The following CCDC191 variants were observed in gnomAD, a reference collection of about 807,000 sequenced individuals.
CCDC191 encodes the protein coiled-coil domain containing 191, also known as coiled-coil domain-containing protein 191.
CCDC191 carries 99 observed loss-of-function variants against 114.0 expected under a neutral mutation model. The ratio of observed to expected loss-of-function variants is 0.87; its 90% CI spans 0.74 to 1.03. CCDC191 has a LOEUF of 1.03. CCDC191 is among the 50% of genes least tolerant of loss of function. The pLI is 0.00. For missense variants in CCDC191, 973 were observed against 1,087.0 expected (o/e 0.90, Z 1.47); for synonymous variants, 351 against 376.0 (o/e 0.93, Z 0.77).
intron 10 of CCDC191, 49 bp downstream of exon 10, chr3:114,005,459 G>T: frequency 6.6e-7 from 1 of 1,525,518 alleles, no homozygotes; most frequent in Non-Finnish European, 8.8e-7. Flanking sequence ...AGCCCAAAGT[G>T]AAAAACCCCT....
intron 13 of CCDC191, among the ~76,000 whole-genome samples, chr3:113,997,174 T>C (rs1013712603): frequency 1.3e-5 from 2 of 152,078 alleles, no homozygotes; most frequent in African/African-American, 4.8e-5. Context: ...AGTAAACAGA[T>C]GAATTGTGGG....
At chr3:113,981,694 A>T (rs1047895695) in intron 13 of CCDC191, among the ~76,000 whole-genome samples, 3 of 152,236 alleles carry the variant, frequency 2.0e-5, no homozygotes, top group African/African-American at 7.2e-5. Context: ...CTGGCAAGCT[A>T]CTTAATGTGC....
At chr3:113,984,177 G>GAA (rs1405309977) in intron 13 of CCDC191, 3 of 152,000 alleles carry the variant, frequency 2.0e-5, no homozygotes, top group Admixed American at 1.3e-4. Flanking sequence ...TCTCTCCAAA[G>GAA]AAATATATAT....
intron 2 of CCDC191, among the ~76,000 whole-genome samples, chr3:114,050,674 GAGT>G (rs2076688103): frequency 6.6e-6 from 1 of 152,296 alleles, no homozygotes; most frequent in South Asian, 2.1e-4. Context: ...GGCTTGACGG[GAGT>G]CATGGAGGAT....
chr3:114,005,547 G>A lies in CCDC191; in HGVS notation c.1829C>T (p.Pro610Leu), dbSNP rs1009088453. Reference protein sequence around the residue: ...TEAQSHLLSKPREEEPRTCQM... With the variant: ...TEAQSHLLSKLREEEPRTCQM... ...GCAGGTTCTTGGTTCCTCTTCTCTG[G>A]GCTTTGACAGCAGGTGGCTCTGTGC... The change falls in exon 10 of 17, where the codon CCC becomes CTC. Residue 610 changes from proline (P) to leucine (L), a missense_variant. Physicochemically the swap from Pro to Leu is moderately conservative, Grantham distance 98 (BLOSUM62 -3). Transcript: ENST00000295878. The A allele has an allele frequency of 6.2e-6, 10 of 1,613,388 alleles. No homozygotes were observed. The African/African-American group carries it at 1.2e-4, about 19-fold the overall frequency.
At chr3:114,043,647 T>C (rs1334960767) in intron 3 of CCDC191, among the ~76,000 whole-genome samples, 2 of 152,188 alleles carry the variant, frequency 1.3e-5, no homozygotes, top group East Asian at 3.8e-4. Flanking sequence ...ACAGGAGAGA[T>C]GTGAGCACAG....
chr3:113,987,772 A>G (rs2075412910), intron 13 of CCDC191, among the ~76,000 whole-genome samples: 1 of 152,208 alleles, frequency 6.6e-6, no homozygotes, highest in Admixed American at 6.5e-5. Flanking sequence ...GACCAGGTGC[A>G]GTGGCTCACG....
At chr3:113,971,600 T>G (rs1577310898) in intron 16 of CCDC191, among the ~76,000 whole-genome samples, 1 of 152,220 alleles carries the variant, frequency 6.6e-6, no homozygotes, top group East Asian at 1.9e-4. Flanking sequence ...TTGAAGATTT[T>G]GCATTTGTGT....
At chr3:113,999,189 A>C (rs138043459) in intron 13 of CCDC191, among the ~76,000 whole-genome samples, 66 of 152,306 alleles carry the variant, frequency 4.3e-4, no homozygotes, top group African/African-American at 8.7e-4. Flanking sequence ...TACCCCTAGT[A>C]ATACCACTAG....
intron 7 of CCDC191, among the ~76,000 whole-genome samples, chr3:114,021,740 T>C (rs1178371463): frequency 6.6e-6 from 1 of 152,120 alleles, no homozygotes; most frequent in Non-Finnish European, 1.5e-5. Context: ...TTTCTATACT[T>C]TGGAACTACA....
chr3:114,026,513 C>T lies in CCDC191; in HGVS notation c.972+5113G>A, dbSNP rs891638749. 9.2e-5 allele frequency among the ~76,000 whole-genome samples: 14 copies of T among 152,216 alleles called. No individual in the cohort carries two copies. In the East Asian group the frequency reaches 2.3e-3, roughly 25 times the overall value. ...TTCTAAAGAGGCTTTTCCTTTATTTCCCTCCCCTAACATAAGAAAACATTG... is the reference window on the plus strand; with the variant it reads ...TTCTAAAGAGGCTTTTCCTTTATTTTCCTCCCCTAACATAAGAAAACATTG... On this transcript the variant is annotated intron_variant, in intron 7 of 16. Transcript: ENST00000295878.
At position 113,993,159 on chromosome 3, in the gene CCDC191, G is replaced by A. The variant is rs377479854; in HGVS notation, c.2163+8436C>T. Among the ~76,000 whole-genome samples the A allele has an allele frequency of 1.5e-4, 23 of 152,264 alleles. No individual in the cohort carries two copies. The East Asian group carries it at 2.7e-3, about 18-fold the overall frequency. ...GCTGGGTCACCCCTGTGACCCAGGT[G>A]TGGTGGCTCACGCCTGTAATCCAGC... On this transcript the variant is annotated intron_variant, in intron 13 of 16. Transcript: ENST00000295878.
chr3:114,016,198 T>G (rs1209184641), intron 8 of CCDC191, among the ~76,000 whole-genome samples: 3 of 152,162 alleles, frequency 2.0e-5, no homozygotes, highest in African/African-American at 7.2e-5. Flanking sequence ...ATTACCTGTG[T>G]TTTGTCAATC....
At chr3:113,976,648 A>C (rs1941374209) in intron 16 of CCDC191, among the ~76,000 whole-genome samples, 1 of 152,160 alleles carries the variant, frequency 6.6e-6, no homozygotes, top group Non-Finnish European at 1.5e-5. Flanking sequence ...ACTAAAAAAA[A>C]AAAAAAGGTT....
intron 13 of CCDC191, among the ~76,000 whole-genome samples, chr3:113,985,966 A>G (rs2075340312): frequency 6.6e-6 from 1 of 152,220 alleles, no homozygotes; most frequent in African/African-American, 2.4e-5. Flanking sequence ...TACACCCTGA[A>G]AAGATGAGCC....
At chr3:114,020,068 T>C (rs1449123360) in intron 7 of CCDC191, among the ~76,000 whole-genome samples, 2 of 152,264 alleles carry the variant, frequency 1.3e-5, no homozygotes, top group East Asian at 3.9e-4. Flanking sequence ...AGTGACTTTG[T>C]GGGAAGTATG....
chr3:114,006,201 C>A (rs973451124), intron 9 of CCDC191, among the ~76,000 whole-genome samples: 3 of 151,390 alleles, frequency 2.0e-5, no homozygotes, highest in Non-Finnish European at 4.4e-5. Flanking sequence ...GTAATCCCAG[C>A]ACGTTGGGAG....
In CCDC191 at chr3:114,053,588, T is replaced by C. The variant is rs530122488; in HGVS notation, c.129+9A>G. Reference sequence around the variant, plus strand: ...TACTCTTTTTATTCTAAATTTGAAATATCCTTACCTTTATCCAGTGTTCCA... The same window carrying C: ...TACTCTTTTTATTCTAAATTTGAAACATCCTTACCTTTATCCAGTGTTCCA... On this transcript the variant is annotated intron_variant, in intron 2 of 16. Transcript: ENST00000295878. The C allele has an allele frequency of 6.5e-6, 10 of 1,544,324 alleles. No homozygotes were observed. Among genetic ancestry groups the C allele is most frequent in the South Asian group, 2.3e-5 (2 of 86,008 alleles).
At chr3:114,006,348 C>G (rs894162769) in intron 9 of CCDC191, among the ~76,000 whole-genome samples, 4 of 151,738 alleles carry the variant, frequency 2.6e-5, no homozygotes, top group African/African-American at 9.7e-5. Flanking sequence ...ACTCAGGAGG[C>G]TGATGCAGGA....
Sources: allele counts gnomAD v4.1 joint callset (sites outside exome capture counted in the v4.1 genomes callset), GRCh38; gene constraint gnomAD v4.1.1; transcripts MANE v1.5; gene names NCBI Gene and HGNC (gene_info 2026-07-23, HGNC 2026-07-21).